Variants in ANAPC15 observed in about 807,000 individuals in gnomAD.
The protein encoded by ANAPC15 is anaphase-promoting complex subunit 15.
Under a neutral mutation model 19.8 loss-of-function variants are expected in ANAPC15, and 13 were observed. The observed-to-expected ratio is 0.66, with a 90% CI of 0.43 to 1.04. The LOEUF (loss-of-function observed/expected upper bound fraction) is 1.04. ANAPC15 is among the 50% of genes least tolerant of loss of function. ANAPC15 has a pLI of 0.00. For synonymous variants in ANAPC15, 45 were observed against 50.7 expected (o/e 0.89, Z 0.47); for missense variants, 88 against 150.3 (o/e 0.59, Z 2.17).
At chr11:72,110,799 C>T in intron 3 of ANAPC15, 196 bp from the exon 4 acceptor site, 2 of 610,884 alleles carry the variant, frequency 3.3e-6, no homozygotes, top group Non-Finnish European at 5.7e-6. Flanking sequence ...CTCTCTGAGC[C>T]TTCTTTTTTT....
downstream of ANAPC15, chr11:72,109,129 C>T: frequency 1.7e-6 from 1 of 579,988 alleles, no homozygotes; most frequent in Non-Finnish European, 3.1e-6. Flanking sequence ...CTCACTAGGC[C>T]CCCTCTTTCC....
chr11:72,109,334 A>G (rs1229289418), downstream of ANAPC15: 1 of 466,098 alleles, frequency 2.1e-6, no homozygotes, highest in Admixed American at 2.3e-5. Context: ...TCCTCAGCCC[A>G]TGCCATTCTG....
rs1474238939 is a variant in ANAPC15, at chr11:72,112,656, G to A, written c.-102C>T. On this transcript the variant is annotated 5_prime_UTR_variant, in exon 1 of 6. Transcript: ENST00000227618. ...GCCTTGCGTCTGTACTTACCGCGCC[G>A]GGAGGCTGCTGCCGGCGGCGACCCG... The A allele has an allele frequency of 4.4e-6, 2 of 456,604 alleles. No individual in the cohort carries two copies. Among genetic ancestry groups the A allele is most frequent in the South Asian group, 1.5e-5 (1 of 64,548 alleles). The allele number at this position is 456,604 out of a possible 1,614,324, so 28.3% of individuals were successfully genotyped here.
intron 3 of ANAPC15, 87 bp from the exon 4 acceptor site, chr11:72,110,690 A>AACCCAC: frequency 6.9e-7 from 1 of 1,444,260 alleles, no homozygotes; most frequent in South Asian, 1.2e-5. Flanking sequence ...CCCAGAAGAC[A>AACCCAC]ACCCACACGT....
downstream of ANAPC15, chr11:72,108,509 C>A: frequency 8.8e-7 from 1 of 1,137,436 alleles, no homozygotes; most frequent in Non-Finnish European, 1.2e-6. Context: ...GGAAGCTAAG[C>A]CAGGACCTGG....
downstream of ANAPC15, chr11:72,107,849 C>A: frequency 6.7e-7 from 1 of 1,498,146 alleles, no homozygotes; most frequent in South Asian, 1.2e-5. Flanking sequence ...GGCAGGTAGG[C>A]ATTTGAGATA....
At chr11:72,108,625 C>T (rs950391565), downstream of ANAPC15, 1 of 1,487,706 alleles carries the variant, frequency 6.7e-7, no homozygotes, top group Admixed American at 2.2e-5. Context: ...TCGTGGGCAG[C>T]TCAGAGGACG....
chr11:72,111,159 A>T lies in ANAPC15; in HGVS notation c.118T>A (p.Trp40Arg), dbSNP rs1339886074. Residue 40 changes from tryptophan (W) to arginine (R), a missense_variant and splice_region_variant, in exon 3 of 6, where the codon TGG becomes AGG. Coordinates refer to ENST00000227618, the MANE Select transcript of ANAPC15 (RefSeq NM_014042.3). ...TGCTGTGCTAGCTGCTCACTCACCC[A>T]GGCCTGATGCTGCTGTTCCTGCTGC... ...LQQQEQQHQA[W>R]LQSIAEKDNN... is the part of the protein sequence containing the mutation. 6.4e-7 allele frequency: 1 copy of T among 1,564,054 alleles called. No individual in the cohort carries two copies. The highest frequency in any genetic ancestry group is 1.7e-5 in the Admixed American group (1 of 58,712).
downstream of ANAPC15, chr11:72,108,045 A>T: frequency 2.6e-6 from 4 of 1,551,208 alleles, no homozygotes; most frequent in Non-Finnish European, 2.6e-6. Flanking sequence ...TCGCCTTCTT[A>T]CTGTGGAGCG....
At chr11:72,111,133 G>T in intron 3 of ANAPC15, 24 bp downstream of exon 3, 1 of 1,479,888 alleles carries the variant, frequency 6.8e-7, no homozygotes, top group Non-Finnish European at 9.5e-7. Context: ...TGAGGTCTCT[G>T]TGCTGTGCTA....
downstream of ANAPC15, chr11:72,108,661 T>A: frequency 6.6e-7 from 1 of 1,524,844 alleles, no homozygotes. Context: ...GCACCCAGTA[T>A]CAGCTGAGTC....
downstream of ANAPC15, chr11:72,108,000 A>T (rs1945870388): frequency 2.6e-6 from 4 of 1,551,524 alleles, no homozygotes; most frequent in African/African-American, 4.1e-5. Flanking sequence ...TGGATACTCT[A>T]CCCTGCTTAT....
chr11:72,108,812 C>A, downstream of ANAPC15: 2 of 1,550,676 alleles, frequency 1.3e-6, no homozygotes, highest in East Asian at 4.9e-5. Context: ...CCGCTTCTTG[C>A]AGTATGCTAA....
intron 3 of ANAPC15, 99 bp from the exon 4 acceptor site, chr11:72,110,702 T>C (rs1395541795): frequency 1.5e-6 from 2 of 1,325,212 alleles, no homozygotes; most frequent in Non-Finnish European, 2.1e-6. Context: ...CCCACACGTG[T>C]TGGGGAGAAG....
Position 72,110,469 on chromosome 11 carries a change from A to G in ANAPC15, c.180+75T>C, listed in dbSNP as rs912805774. 226 of 1,594,780 alleles carry G rather than the reference A, an allele frequency of 1.4e-4. 1 individual carries two copies. Among genetic ancestry groups the G allele is most frequent in the Non-Finnish European group, 2.4e-5 (28 of 1,165,138 alleles). ...ACCACAACTGCTCTGGGTCAGAGAC[A>G]GGACATTCAGAATTAGAGCAGAGCC... On this transcript the variant is annotated intron_variant, in intron 4 of 5. Transcript: ENST00000227618.
At chr11:72,107,601 T>A, downstream of ANAPC15, 1 of 685,204 alleles carries the variant, frequency 1.5e-6, no homozygotes, top group Non-Finnish European at 2.7e-6. Context: ...TACTGAGAGA[T>A]GAACCTGGAA....
Position 72,112,653 on chromosome 11 carries a change from G to A in ANAPC15, c.-99C>T. ...GCAGCCTTGCGTCTGTACTTACCGC[G>A]CCGGGAGGCTGCTGCCGGCGGCGAC... On this transcript the variant is annotated 5_prime_UTR_variant, in exon 1 of 6. Transcript: ENST00000227618. The A allele has an allele frequency of 2.2e-6, 1 of 456,662 alleles. No homozygotes were observed. The allele number at this position is 456,662 out of a possible 1,614,324, so 28.3% of individuals were successfully genotyped here. A position where few individuals can be genotyped will look rare whatever the true frequency, so the allele number is the denominator to read the frequency against.
At chr11:72,111,722 C>G (rs1405486591) in intron 1 of ANAPC15, among the ~76,000 whole-genome samples, 1 of 152,110 alleles carries the variant, frequency 6.6e-6, no homozygotes, top group Non-Finnish European at 1.5e-5. Context: ...CACACTAAAA[C>G]CTGCTTTTTG....
chr11:72,108,005 G>C, downstream of ANAPC15: 2 of 1,551,700 alleles, frequency 1.3e-6, no homozygotes, highest in Non-Finnish European at 8.7e-7. Context: ...ACTCTACCCT[G>C]CTTATTGCCC....
Sources: allele counts gnomAD v4.1 joint callset (sites outside exome capture counted in the v4.1 genomes callset), GRCh38; gene constraint gnomAD v4.1.1; transcripts MANE v1.5; gene names NCBI Gene and HGNC (gene_info 2026-07-23, HGNC 2026-07-21).